Variants in NEMP2 observed in about 807,000 individuals in gnomAD.
NEMP2 encodes UPF0571 transmembrane protein.
Under a neutral mutation model 54.2 loss-of-function variants are expected in NEMP2, and 53 were observed. That is an observed-to-expected ratio of 0.98 (90% CI 0.78 to 1.23). The LOEUF (loss-of-function observed/expected upper bound fraction) is 1.23. Ranked by LOEUF, NEMP2 falls within the 50% of genes most tolerant of loss-of-function variation. NEMP2 has a pLI of 0.00. For missense variants in NEMP2, 455 were observed against 511.3 expected (o/e 0.89, Z 1.06); for synonymous variants, 197 against 190.3 (o/e 1.04, Z -0.29).
chr2:190,512,441 A>G lies in NEMP2; in HGVS notation c.954-1904T>C, dbSNP rs1690401525. 6.6e-6 allele frequency among the ~76,000 whole-genome samples: 1 copy of G among 152,252 alleles called. No homozygotes were observed. The stretch of plus-strand genomic sequence containing the variant: ...CTTTGCAACTAGAAAGTACTATACA[A>G]AATAAAGGTATTATTTCTCTGGTGT... On this transcript the variant is annotated intron_variant, in intron 7 of 8. Coordinates refer to ENST00000409150, the MANE Select transcript of NEMP2 (RefSeq NM_001142645.2). The surrounding 1 kb of genome is among the most constrained non-coding windows in gnomAD (Gnocchi z 4.5).
the NEMP2 span, among the ~76,000 whole-genome samples, chr2:190,602,623 C>T: frequency 6.6e-6 from 1 of 152,194 alleles, no homozygotes. Flanking sequence ...GAATCTACCC[C>T]TCCCCATCTT....
the NEMP2 span, among the ~76,000 whole-genome samples, chr2:190,422,208 C>T: frequency 2.0e-5 from 3 of 152,210 alleles, no homozygotes; most frequent in Non-Finnish European, 4.4e-5. Flanking sequence ...TAAATTTCCT[C>T]TTAGGACATT....
the NEMP2 span, among the ~76,000 whole-genome samples, chr2:190,587,364 T>C: frequency 6.6e-6 from 1 of 152,286 alleles, no homozygotes; most frequent in East Asian, 1.9e-4. This position sits in a 1 kb window ranked among gnomAD's most constrained non-coding sequence, Gnocchi z 5.4. Context: ...CCTGACCCTC[T>C]GTGCCACCTG....
At chr2:190,435,782 C>T in the NEMP2 span, 1 of 450,636 alleles carries the variant, frequency 2.2e-6, no homozygotes, top group African/African-American at 2.0e-5. Flanking sequence ...AGTCAGTGGC[C>T]ATAAAGAGTA....
In NEMP2 at chr2:190,518,827, A is replaced by G; in HGVS notation, c.446-19T>C. 4 of 1,534,246 alleles carry G rather than the reference A, an allele frequency of 2.6e-6. No individual in the cohort carries two copies. Among genetic ancestry groups the G allele is most frequent in the Non-Finnish European group, 3.5e-6 (4 of 1,142,252 alleles). The stretch of plus-strand genomic sequence containing the variant: ...TCCATGACTGGAGTAAAAAAGACAC[A>G]CAAACACATAACAAAGATTTTTTAT... On this transcript the variant is annotated intron_variant, in intron 3 of 8. Transcript: ENST00000409150.
At chr2:190,560,191 T>G in the NEMP2 span, among the ~76,000 whole-genome samples, 4 of 152,304 alleles carry the variant, frequency 2.6e-5, no homozygotes, top group Non-Finnish European at 5.9e-5. This position sits in a 1 kb window ranked among gnomAD's most constrained non-coding sequence, Gnocchi z 5.4. Flanking sequence ...AGGACTGATT[T>G]AAGGTAGGAG....
the NEMP2 span, among the ~76,000 whole-genome samples, chr2:190,543,586 C>T: frequency 4.7e-4 from 72 of 152,278 alleles, 1 homozygote; most frequent in Middle Eastern, 3.4e-3. This position sits in a 1 kb window ranked among gnomAD's most constrained non-coding sequence, Gnocchi z 4.7. Context: ...AAGTTCAATT[C>T]TCTTACCACC....
At chr2:190,497,807 A>T in the NEMP2 span, 1 of 1,429,178 alleles carries the variant, frequency 7.0e-7, no homozygotes, top group Non-Finnish European at 9.5e-7. This position sits in a 1 kb window ranked among gnomAD's most constrained non-coding sequence, Gnocchi z 5.2. Flanking sequence ...TTTTCATTCA[A>T]CAAGATTTAT....
chr2:190,472,692 A>G, the NEMP2 span, among the ~76,000 whole-genome samples: 3,951 of 152,298 alleles, frequency 0.026, 91 homozygotes, highest in Non-Finnish European at 0.035. Flanking sequence ...AACTTCCCCA[A>G]TCTAGCAAGG....
At chr2:190,491,108 A>G in the NEMP2 span, among the ~76,000 whole-genome samples, 1 of 152,246 alleles carries the variant, frequency 6.6e-6, no homozygotes. This position sits in a 1 kb window ranked among gnomAD's most constrained non-coding sequence, Gnocchi z 4.2. Flanking sequence ...AATCACAAAA[A>G]AATTTAAAAT....
the NEMP2 span, among the ~76,000 whole-genome samples, chr2:190,629,436 G>A: frequency 2.0e-5 from 3 of 152,276 alleles, no homozygotes; most frequent in East Asian, 1.9e-4. Flanking sequence ...TCAGAGCAAC[G>A]TGAATTCTGC....
At chr2:190,545,140 A>G in the NEMP2 span, among the ~76,000 whole-genome samples, 2 of 152,100 alleles carry the variant, frequency 1.3e-5, no homozygotes, top group African/African-American at 4.8e-5. Flanking sequence ...GTAAGAAAAA[A>G]AAAGATTTAT....
chr2:190,538,531 G>C (rs569127511), upstream of NEMP2, among the ~76,000 whole-genome samples: 10 of 151,862 alleles, frequency 6.6e-5, no homozygotes, highest in South Asian at 2.1e-4. The surrounding 1 kb of genome is among the most constrained non-coding windows in gnomAD (Gnocchi z 4.1). Context: ...CTAGTTTTGA[G>C]AAACTTCCAT....
chr2:190,450,419 T>C, the NEMP2 span, among the ~76,000 whole-genome samples: 6 of 151,954 alleles, frequency 3.9e-5, no homozygotes, highest in Non-Finnish European at 7.4e-5. Flanking sequence ...TTTTTTCTGC[T>C]GAAAACATCT....
Position 190,518,730 on chromosome 2 carries a change from A to G in NEMP2, c.518+6T>C. ...CAAAGTTAAAAATATAAAAAGGAATACTTACTGACTCAGGGTCCTTGCATA... is the reference window on the plus strand; with the variant it reads ...CAAAGTTAAAAATATAAAAAGGAATGCTTACTGACTCAGGGTCCTTGCATA... On this transcript the variant is annotated splice_donor_region_variant and intron_variant, in intron 4 of 8. Transcript: ENST00000409150. The G allele has an allele frequency of 6.6e-7, 1 of 1,523,504 alleles. No individual in the cohort carries two copies. Among genetic ancestry groups the G allele is most frequent in the African/African-American group, 1.4e-5 (1 of 71,128 alleles). The allele number at this position is 1,523,504 out of a possible 1,614,324, so 94.4% of individuals were successfully genotyped here.
At chr2:190,429,888 G>C in the NEMP2 span, among the ~76,000 whole-genome samples, 1 of 151,684 alleles carries the variant, frequency 6.6e-6, no homozygotes. Context: ...GGGTACATGT[G>C]TACAATGTGC....
chr2:190,578,982 T>C, the NEMP2 span, among the ~76,000 whole-genome samples: 1 of 152,174 alleles, frequency 6.6e-6, no homozygotes, highest in Non-Finnish European at 1.5e-5. The surrounding 1 kb of genome is among the most constrained non-coding windows in gnomAD (Gnocchi z 4.4). Flanking sequence ...TCTGGATTTT[T>C]ACCACACCCT....
At chr2:190,511,711 C>T (rs976050996) in intron 7 of NEMP2, among the ~76,000 whole-genome samples, 17 of 150,848 alleles carry the variant, frequency 1.1e-4, no homozygotes, top group African/African-American at 1.7e-4. Context: ...CACGCCACCA[C>T]GCCCGGCTAA....
At chr2:190,534,132 G>A in intron 1 of NEMP2, 1 of 992,248 alleles carries the variant, frequency 1.0e-6, no homozygotes, top group South Asian at 4.7e-5. Context: ...GAGACCAAAG[G>A]AATGCGAGAT....
Sources: allele counts gnomAD v4.1 joint callset (sites outside exome capture counted in the v4.1 genomes callset), GRCh38; gene constraint gnomAD v4.1.1; non-coding constraint Gnocchi (gnomAD v3.1); transcripts MANE v1.5; gene names NCBI Gene and HGNC (gene_info 2026-07-23, HGNC 2026-07-21).